The following SPOCK1 variants were observed in gnomAD, a reference collection of about 807,000 sequenced individuals.
SPOCK1 encodes SPARC (osteonectin), cwcv and kazal like domains proteoglycan 1.
Under a neutral mutation model 55.3 loss-of-function variants are expected in SPOCK1, and 23 were observed. The observed-to-expected ratio is 0.42, with a 90% CI of 0.30 to 0.59. SPOCK1 has a LOEUF of 0.59. SPOCK1 is among the 20% of genes least tolerant of loss of function. The probability of loss-of-function intolerance (pLI) is 0.22; values close to 1 mark genes in which losing one functional copy is unlikely to be tolerated. For synonymous variants in SPOCK1, 226 were observed against 221.0 expected (o/e 1.02, Z -0.20); for missense variants, 499 against 552.5 (o/e 0.90, Z 0.97).
chr5:137,138,526 C>CACACA (rs1224114084), intron 4 of SPOCK1, among the ~76,000 whole-genome samples: 1 of 151,120 alleles, frequency 6.6e-6, no homozygotes, highest in East Asian at 1.9e-4. Flanking sequence ...CACACACACA[C>CACACA]ACCACACACA....
chr5:137,081,292 G>A (rs1199869503), intron 5 of SPOCK1, among the ~76,000 whole-genome samples: 2 of 152,238 alleles, frequency 1.3e-5, no homozygotes, highest in Non-Finnish European at 2.9e-5. Flanking sequence ...TCAGGGAGAA[G>A]AAATGCAGAC....
At chr5:137,454,028 C>T (rs565983660) in intron 2 of SPOCK1, among the ~76,000 whole-genome samples, 16 of 151,362 alleles carry the variant, frequency 1.1e-4, no homozygotes, top group African/African-American at 2.4e-4. Context: ...GAATAAAAGA[C>T]GGATACTACT....
At chr5:137,251,244 T>C (rs1756523940) in intron 3 of SPOCK1, among the ~76,000 whole-genome samples, 1 of 152,208 alleles carries the variant, frequency 6.6e-6, no homozygotes, top group African/African-American at 2.4e-5. Flanking sequence ...CCCCTCCTCA[T>C]CTTTCACACC....
intron 3 of SPOCK1, among the ~76,000 whole-genome samples, chr5:137,196,590 C>T (rs566981379): frequency 6.6e-6 from 1 of 152,364 alleles, no homozygotes; most frequent in Admixed American, 6.5e-5. Flanking sequence ...TATTTAGCTC[C>T]TTCAAGTCTC....
At chr5:137,123,903 G>A (rs1302619927) in intron 4 of SPOCK1, among the ~76,000 whole-genome samples, 2 of 151,990 alleles carry the variant, frequency 1.3e-5, no homozygotes, top group Non-Finnish European at 1.5e-5. Flanking sequence ...GAATCAAGGG[G>A]GTCAAAATAC....
At chr5:137,155,886 C>T (rs1015874487) in intron 3 of SPOCK1, among the ~76,000 whole-genome samples, 4 of 152,226 alleles carry the variant, frequency 2.6e-5, no homozygotes, top group African/African-American at 9.7e-5. Context: ...ACCCACTGGG[C>T]GGCCTTGCTC....
intron 7 of SPOCK1, among the ~76,000 whole-genome samples, chr5:136,989,876 C>A (rs1205710092): frequency 6.6e-6 from 1 of 152,042 alleles, no homozygotes; most frequent in African/African-American, 2.4e-5. Flanking sequence ...TCACTAGGAA[C>A]CCTTTCTTAG....
At chr5:137,120,588 A>G (rs887234117) in intron 4 of SPOCK1, among the ~76,000 whole-genome samples, 1 of 152,180 alleles carries the variant, frequency 6.6e-6, no homozygotes, top group South Asian at 2.1e-4. Context: ...GAGTAGGTGC[A>G]AATAAATTGA....
intron 2 of SPOCK1, among the ~76,000 whole-genome samples, chr5:137,318,931 A>G (rs1757932813): frequency 6.6e-6 from 1 of 152,232 alleles, no homozygotes; most frequent in African/African-American, 2.4e-5. Context: ...ATTCATTCAC[A>G]GACTTGCTCA....
intron 2 of SPOCK1, among the ~76,000 whole-genome samples, chr5:137,399,742 T>C (rs566045042): frequency 4.9e-4 from 75 of 152,316 alleles, no homozygotes; most frequent in African/African-American, 1.7e-3. Context: ...TTTTTTAAAT[T>C]GATTGCTTTT....
intron 3 of SPOCK1, among the ~76,000 whole-genome samples, chr5:137,244,011 G>A (rs188963305): frequency 2.5e-3 from 386 of 152,280 alleles, no homozygotes; most frequent in Middle Eastern, 0.014. Flanking sequence ...TCCCAACAGT[G>A]GTGGCAGTCT....
chr5:137,417,705 C>T (rs1752370128), intron 2 of SPOCK1, among the ~76,000 whole-genome samples: 1 of 152,124 alleles, frequency 6.6e-6, no homozygotes, highest in Non-Finnish European at 1.5e-5. Context: ...TGTTCTTATG[C>T]ATATCTCAAA....
chr5:137,251,073 G>A (rs950394016), intron 3 of SPOCK1, among the ~76,000 whole-genome samples: 1 of 152,078 alleles, frequency 6.6e-6, no homozygotes, highest in Non-Finnish European at 1.5e-5. Context: ...TAGATTGCTG[G>A]CCCCCACACC....
rs868299726 is a variant in SPOCK1 at position 137,251,967 on chromosome 5, T to C, written c.232+15043A>G. On this transcript the variant is annotated intron_variant, in intron 3 of 10. Transcript: ENST00000394945. ...CAGAGTCTTGCTCTGTTGCCCAGGC[T>C]GGAGTGCAGTGGTGCAATCTCAAGC... 2.7e-5 allele frequency among the ~76,000 whole-genome samples: 4 copies of C among 150,870 alleles called. No individual in the cohort carries two copies. In the South Asian group the frequency reaches 8.3e-4, roughly 31 times the overall value.
intron 5 of SPOCK1, among the ~76,000 whole-genome samples, chr5:137,097,666 T>C (rs998306815): frequency 6.6e-6 from 1 of 152,228 alleles, no homozygotes; most frequent in African/African-American, 2.4e-5. Context: ...TATTGGAGCC[T>C]CACAGTCTAT....
chr5:137,288,241 G>A (rs1368331612), intron 2 of SPOCK1, among the ~76,000 whole-genome samples: 1 of 152,196 alleles, frequency 6.6e-6, no homozygotes, highest in Admixed American at 6.5e-5. Flanking sequence ...GTGGCTCAAT[G>A]CACACTGCTA....
chr5:137,396,165 AGTTCT>A (rs1224630159), intron 2 of SPOCK1, among the ~76,000 whole-genome samples: 1 of 152,146 alleles, frequency 6.6e-6, no homozygotes. Context: ...AAATTCAGCC[AGTTCT>A]GTTCCTCAAA....
At chr5:137,390,508 G>A (rs962878815) in intron 2 of SPOCK1, among the ~76,000 whole-genome samples, 21 of 152,210 alleles carry the variant, frequency 1.4e-4, no homozygotes, top group African/African-American at 3.9e-4. Context: ...TGCTTTGCCC[G>A]TTCTATTTCC....
At position 137,146,473 on chromosome 5, in the gene SPOCK1, G is replaced by C. The variant is rs529713290; in HGVS notation, c.233-5779C>G. Among the ~76,000 whole-genome samples the C allele has an allele frequency of 2.2e-3, 329 of 152,306 alleles. 2 individuals are homozygous for C. The highest frequency in any genetic ancestry group is 7.3e-3 in the African/African-American group (303 of 41,568). ...GCTTTTAAGACTGCTCTCTGCCTGAGTCATGCGATCCCAAGGTTCACGTGA... is the reference window on the plus strand; with the variant it reads ...GCTTTTAAGACTGCTCTCTGCCTGACTCATGCGATCCCAAGGTTCACGTGA... On this transcript the variant is annotated intron_variant, in intron 3 of 10. Coordinates refer to ENST00000394945, the MANE Select transcript of SPOCK1 (RefSeq NM_004598.4).
Sources: allele counts gnomAD v4.1 joint callset (sites outside exome capture counted in the v4.1 genomes callset), GRCh38; gene constraint gnomAD v4.1.1; transcripts MANE v1.5; gene names NCBI Gene and HGNC (gene_info 2026-07-23, HGNC 2026-07-21).